Variants in FGGY observed in about 807,000 individuals in gnomAD.
FGGY encodes FGGY carbohydrate kinase domain-containing protein.
Under a neutral mutation model 71.3 loss-of-function variants are expected in FGGY, and 72 were observed. The ratio of observed to expected loss-of-function variants is 1.01; its 90% CI spans 0.84 to 1.23. FGGY has a LOEUF of 1.23. Among genes scored for constraint, FGGY ranks in the 50% most tolerant of loss-of-function variants. FGGY has a pLI of 0.00. For synonymous variants in FGGY, 251 were observed against 250.3 expected, an observed-to-expected ratio of 1.00 and a Z score of -0.02; for missense variants, 668 against 682.3, an observed-to-expected ratio of 0.98 and a Z score of 0.23.
intron 1 of FGGY, among the ~76,000 whole-genome samples, chr1:59,298,619 A>C (rs2153072131): frequency 6.6e-6 from 1 of 152,268 alleles, no homozygotes; most frequent in South Asian, 2.1e-4. Context: ...CCCTTTACCT[A>C]ACCTTTCACT....
rs563695603 is a variant in FGGY, at chr1:59,372,168, A to C, written c.466-6581A>C. ...CAACAAAATTGATAGACCGTTAGCA[A>C]GACTAATAAAGAAAAAAAGAAGAAT... On this transcript the variant is annotated intron_variant, in intron 4 of 15. Transcript: ENST00000303721. 7.9e-5 allele frequency among the ~76,000 whole-genome samples: 12 copies of C among 151,846 alleles called. No homozygotes were observed. The South Asian group carries it at 2.5e-3, about 31-fold the overall frequency.
At chr1:59,529,345 T>C (rs2095077269) in intron 7 of FGGY, among the ~76,000 whole-genome samples, 2 of 152,172 alleles carry the variant, frequency 1.3e-5, no homozygotes, top group African/African-American at 4.8e-5. Flanking sequence ...AATCTTCACA[T>C]TGACTCCAGC....
chr1:59,463,794 C>G (rs2153528009), intron 6 of FGGY, among the ~76,000 whole-genome samples: 1 of 152,166 alleles, frequency 6.6e-6, no homozygotes, highest in Non-Finnish European at 1.5e-5. Context: ...GTAAAGGGAT[C>G]AATTCAACAA....
intron 10 of FGGY, 74 bp downstream of exon 10, chr1:59,626,123 G>A (rs750607516): frequency 1.0e-5 from 13 of 1,294,772 alleles, no homozygotes; most frequent in Non-Finnish European, 1.4e-5. Flanking sequence ...TGGGCAGTTG[G>A]GTGATTTTCA....
intron 5 of FGGY, among the ~76,000 whole-genome samples, chr1:59,442,534 G>A (rs2070192961): frequency 6.6e-6 from 1 of 152,056 alleles, no homozygotes; most frequent in African/African-American, 2.4e-5. Flanking sequence ...CTTCAGGTCT[G>A]TACTTCTACT....
At chr1:59,544,431 G>A (rs1455521644) in intron 7 of FGGY, among the ~76,000 whole-genome samples, 1 of 152,086 alleles carries the variant, frequency 6.6e-6, no homozygotes, top group East Asian at 1.9e-4. Context: ...GTACAGGGAG[G>A]GCACCTCTCA....
upstream of FGGY, chr1:59,296,534 G>C (rs997285558): frequency 6.6e-6 from 1 of 152,450 alleles, no homozygotes; most frequent in Non-Finnish European, 1.5e-5. Context: ...CGCTCCTCCC[G>C]CCTTGCCCAG....
intron 14 of FGGY, among the ~76,000 whole-genome samples, chr1:59,718,871 C>T (rs1465600330): frequency 6.6e-6 from 1 of 152,240 alleles, no homozygotes; most frequent in Non-Finnish European, 1.5e-5. Flanking sequence ...CCCTGGCCTC[C>T]TGGCTCATGG....
rs1474277052 is a variant in FGGY, at chr1:59,674,084, G to A, written c.1463G>A (p.Gly488Asp). The change falls in exon 14 of 16, where the codon GGT becomes GAT. Residue 488 changes from glycine to aspartate, a missense_variant. Physicochemically the swap from Gly to Asp is moderately conservative, Grantham distance 94. Transcript: ENST00000303721. ...CAAGAGGTGGAGTCCGTTCTTGTGG[G>A]TGCTGCTGTTCTGGGTGCCTGTGCC... ...LSQEVESVLV[G>D]AAVLGACASG... is the part of the protein sequence containing the mutation. 6.2e-7 allele frequency: 1 copy of A among 1,614,032 alleles called. No homozygotes were observed. Among genetic ancestry groups the A allele is most frequent in the Admixed American group, 1.7e-5 (1 of 60,012 alleles).
At chr1:59,339,907 C>G in intron 2 of FGGY, 51 bp from the exon 3 acceptor site, 3 of 1,126,154 alleles carry the variant, frequency 2.7e-6, no homozygotes, top group Non-Finnish European at 3.9e-6. Context: ...TGTTTTCAAT[C>G]TTTAAAGACC....
Position 59,422,663 on chromosome 1 carries a change from C to T in FGGY, c.555-34298C>T, listed in dbSNP as rs949668376. Among the ~76,000 whole-genome samples the T allele has an allele frequency of 2.7e-5, 4 of 150,296 alleles. No individual in the cohort carries two copies. The South Asian group carries it at 6.3e-4, about 24-fold the overall frequency. The stretch of plus-strand genomic sequence containing the variant: ...TGAGCTGTGATCATGCGCTGCACTC[C>T]GATTTGGGTGACAGCGAGACCCTGT... On this transcript the variant is annotated intron_variant, in intron 5 of 15. Transcript: ENST00000303721.
At chr1:59,654,974 C>A (rs568140813) in intron 11 of FGGY, among the ~76,000 whole-genome samples, 194 of 152,242 alleles carry the variant, frequency 1.3e-3, no homozygotes, top group Non-Finnish European at 2.4e-3. Context: ...AGAGTCCCCC[C>A]ACTCTGTGTC....
intron 8 of FGGY, among the ~76,000 whole-genome samples, chr1:59,591,361 T>C (rs1305190140): frequency 6.6e-6 from 1 of 152,206 alleles, no homozygotes; most frequent in East Asian, 1.9e-4. Context: ...ATGGCCATAC[T>C]GCCCAAGGTA....
intron 11 of FGGY, among the ~76,000 whole-genome samples, chr1:59,651,004 A>G (rs1572653410): frequency 6.6e-6 from 1 of 151,312 alleles, no homozygotes; most frequent in African/African-American, 2.5e-5. Flanking sequence ...TCATTTCGTT[A>G]TGTACCCAGT....
chr1:59,753,475 T>TATATATAC (rs2098263939), intron 14 of FGGY, among the ~76,000 whole-genome samples: 1 of 63,368 alleles, frequency 1.6e-5, no homozygotes, highest in Non-Finnish European at 3.3e-5. Flanking sequence ...TAAATATATA[T>TATATATAC]ATATATATAT....
chr1:59,321,715 G>A lies in FGGY; in HGVS notation c.166G>A (p.Glu56Lys), dbSNP rs773705363. The A allele has an allele frequency of 1.3e-5, 21 of 1,612,314 alleles. No homozygotes were observed. The highest frequency in any genetic ancestry group is 1.7e-5 in the Admixed American group (1 of 59,782). The stretch of plus-strand genomic sequence containing the variant: ...GTTCAACCACCATGAGCAGTCCTCC[G>A]AGGACATCTGGGCTGCGTGCTGTGT... The part of the protein sequence containing the change: ...PQFNHHEQSS[E>K]DIWAACCVVT... Residue 56 changes from glutamate (E) to lysine (K), a missense_variant, in exon 2 of 16, where the codon GAG (glutamate) becomes AAG (lysine). Glu to Lys is a moderately conservative substitution (Grantham distance 56). This residue lies in a region of FGGY where 661 missense variants were observed against 661.6 expected (regional missense o/e 1.00). Coordinates refer to ENST00000303721, the MANE Select transcript of FGGY (RefSeq NM_018291.5).
At chr1:59,680,859 T>C (rs1334353179) in intron 14 of FGGY, 1 of 152,156 alleles carries the variant, frequency 6.6e-6, no homozygotes, top group Non-Finnish European at 1.5e-5. Context: ...CCATATCCTG[T>C]AGATACATAT....
chr1:59,512,753 T>C (rs906876175), intron 7 of FGGY, among the ~76,000 whole-genome samples: 6 of 152,258 alleles, frequency 3.9e-5, no homozygotes, highest in African/African-American at 1.4e-4. Flanking sequence ...TTGCCACACT[T>C]AGCTCTACTG....
At chr1:59,677,994 G>A (rs1050652344) in intron 14 of FGGY, among the ~76,000 whole-genome samples, 1 of 152,100 alleles carries the variant, frequency 6.6e-6, no homozygotes, top group Non-Finnish European at 1.5e-5. Context: ...AGAATACAAT[G>A]ACTAATACTA....
Sources: gnomAD v4.1 joint callset for allele counts (sites outside exome capture counted in the v4.1 genomes callset) on GRCh38, gnomAD v4.1.1 for gene constraint, gnomAD v4.1.1 regional missense constraint, MANE v1.5 for transcripts, NCBI Gene and HGNC (gene_info 2026-07-23, HGNC 2026-07-21) for gene names.